Variants in PTPRD observed in about 807,000 individuals in gnomAD.
PTPRD encodes receptor-type tyrosine-protein phosphatase delta.
A neutral mutation model predicts 214.5 loss-of-function variants in PTPRD; 34 were observed. That is an observed-to-expected ratio of 0.16 (90% CI 0.12 to 0.21). The LOEUF (loss-of-function observed/expected upper bound fraction) is 0.21. Ranked by LOEUF, PTPRD falls within the 10% of genes least tolerant of loss-of-function variation. The pLI, the probability that PTPRD is intolerant of heterozygous loss-of-function variation, is 1.00. For synonymous variants in PTPRD, 1,128 were observed against 845.7 expected (o/e 1.33, Z -5.79); for missense variants, 2,545 against 2,398.7 (o/e 1.06, Z -1.27).
At chr9:10,445,154 C>A (rs1480124428) in intron 2 of PTPRD, among the ~76,000 whole-genome samples, 3 of 151,916 alleles carry the variant, frequency 2.0e-5, no homozygotes, top group Non-Finnish European at 4.4e-5. Flanking sequence ...CATAAAGGTA[C>A]AAGAAACCAA....
At chr9:9,774,672 T>C (rs1020697133) in intron 5 of PTPRD, among the ~76,000 whole-genome samples, 9 of 152,230 alleles carry the variant, frequency 5.9e-5, no homozygotes, top group African/African-American at 2.2e-4. Context: ...GGATCCATTA[T>C]ACTTTTAAAT....
In PTPRD at chr9:10,537,695, AG is replaced by A. The variant is rs2058154460; in HGVS notation, c.-600+74702del. On this transcript the variant is annotated intron_variant, in intron 2 of 45. Transcript: ENST00000381196. Reference sequence around the variant, plus strand: ...TCCTTCAGTGAACACTCCTTCAGTGAGTTTCTGATTATATCCATATTTATAT... The same window carrying A: ...TCCTTCAGTGAACACTCCTTCAGTGATTTCTGATTATATCCATATTTATAT... Among the ~76,000 whole-genome samples, 7 of 152,132 alleles carry A rather than the reference AG, an allele frequency of 4.6e-5. No individual in the cohort carries two copies. The South Asian group carries it at 1.5e-3, about 32-fold the overall frequency.
At chr9:10,208,021 A>G (rs1318389053) in intron 3 of PTPRD, among the ~76,000 whole-genome samples, 1 of 152,206 alleles carries the variant, frequency 6.6e-6, no homozygotes, top group African/African-American at 2.4e-5. Flanking sequence ...CATACACAAC[A>G]TAAATAGAGC....
At chr9:8,412,314 T>C (rs540797517) in intron 35 of PTPRD, among the ~76,000 whole-genome samples, 44 of 152,172 alleles carry the variant, frequency 2.9e-4, no homozygotes, top group Non-Finnish European at 5.4e-4. Context: ...AAGAGAATAT[T>C]ATTGAGTATA....
chr9:9,308,216 C>A (rs974905221), intron 9 of PTPRD, among the ~76,000 whole-genome samples: 3 of 152,106 alleles, frequency 2.0e-5, no homozygotes, highest in African/African-American at 7.2e-5. Context: ...AGATTGTGAT[C>A]AAGTAATATC....
intron 8 of PTPRD, among the ~76,000 whole-genome samples, chr9:9,428,174 C>A (rs563795218): frequency 6.6e-6 from 1 of 151,992 alleles, no homozygotes; most frequent in Non-Finnish European, 1.5e-5. Context: ...ATCCATCTCA[C>A]GTGCAGAGAC....
Position 8,316,534 on chromosome 9 carries a change from A to T in PTPRD, c.*1340T>A, listed in dbSNP as rs974830452. 1.7e-5 allele frequency: 4 copies of T among 230,544 alleles called. No homozygotes were observed. The highest frequency in any genetic ancestry group is 3.4e-5 in the Non-Finnish European group (4 of 116,134). 14.3% of individuals were successfully genotyped at this position (230,544 alleles called of 1,614,324 possible). On this transcript the variant is annotated 3_prime_UTR_variant, in exon 46 of 46. Coordinates refer to ENST00000381196, the MANE Select transcript of PTPRD (RefSeq NM_002839.4). ...CGATTGAATACACTTTTTTTAAACA[A>T]CTCGATAGCTGATATATTACAACAT...
At chr9:9,721,013 C>CA (rs780308112) in intron 7 of PTPRD, among the ~76,000 whole-genome samples, 136 of 149,368 alleles carry the variant, frequency 9.1e-4, no homozygotes, top group Non-Finnish European at 1.3e-3. Flanking sequence ...AAGAAGGGTA[C>CA]AAAAAAAAAT....
At chr9:10,422,297 C>T (rs1255714438) in intron 2 of PTPRD, among the ~76,000 whole-genome samples, 5 of 152,008 alleles carry the variant, frequency 3.3e-5, no homozygotes, top group Non-Finnish European at 5.9e-5. Context: ...GTAACTTATA[C>T]AAAAATTAAT....
intron 12 of PTPRD, among the ~76,000 whole-genome samples, chr9:8,639,806 T>C (rs73425442): frequency 0.011 from 1,675 of 152,226 alleles, 38 homozygotes; most frequent in African/African-American, 0.038. Context: ...AACATAGAAA[T>C]CTTATTTCTA....
At chr9:10,124,192 G>A (rs542668732) in intron 3 of PTPRD, among the ~76,000 whole-genome samples, 2 of 152,220 alleles carry the variant, frequency 1.3e-5, no homozygotes, top group African/African-American at 2.4e-5. Flanking sequence ...TTGTTATACT[G>A]TAAATAGCAT....
At chr9:8,719,723 T>C (rs1056314488) in intron 12 of PTPRD, among the ~76,000 whole-genome samples, 5 of 152,222 alleles carry the variant, frequency 3.3e-5, no homozygotes, top group Non-Finnish European at 7.3e-5. Context: ...ATATTTACCA[T>C]ATAGCTCTTT....
intron 9 of PTPRD, among the ~76,000 whole-genome samples, chr9:9,206,434 T>C (rs1407920820): frequency 2.0e-5 from 3 of 151,910 alleles, no homozygotes; most frequent in Admixed American, 2.0e-4. Flanking sequence ...GTTAGGAGGG[T>C]TGTGATGGTT....
chr9:10,566,606 A>G (rs932896391), intron 2 of PTPRD, among the ~76,000 whole-genome samples: 22 of 151,982 alleles, frequency 1.4e-4, no homozygotes, highest in African/African-American at 5.1e-4. Flanking sequence ...TGTTACACAT[A>G]TTGGAAATAT....
intron 14 of PTPRD, among the ~76,000 whole-genome samples, chr9:8,582,051 T>G (rs1046936612): frequency 4.6e-5 from 7 of 151,958 alleles, no homozygotes; most frequent in African/African-American, 1.4e-4. Flanking sequence ...ACTGATAACT[T>G]TCTAGAAAAT....
At chr9:10,559,641 A>T (rs1188583985) in intron 2 of PTPRD, among the ~76,000 whole-genome samples, 1 of 152,112 alleles carries the variant, frequency 6.6e-6, no homozygotes, top group Non-Finnish European at 1.5e-5. Context: ...ATGGGAGAAA[A>T]TTTTCACAAC....
At chr9:9,668,457 A>G (rs1184240129) in intron 7 of PTPRD, among the ~76,000 whole-genome samples, 1 of 152,136 alleles carries the variant, frequency 6.6e-6, no homozygotes, top group African/African-American at 2.4e-5. Flanking sequence ...TTAATCCTTA[A>G]ATGCCTTAAT....
chr9:10,554,372 G>A (rs948121253), intron 2 of PTPRD, among the ~76,000 whole-genome samples: 3 of 152,102 alleles, frequency 2.0e-5, no homozygotes, highest in African/African-American at 7.2e-5. Flanking sequence ...ATTTCCAGGT[G>A]CAATCTTCTT....
At chr9:9,884,357 T>A (rs1410556566) in intron 5 of PTPRD, among the ~76,000 whole-genome samples, 1 of 152,162 alleles carries the variant, frequency 6.6e-6, no homozygotes, top group Non-Finnish European at 1.5e-5. Context: ...CAACAACATC[T>A]ATTCTTTCAC....
Sources: gnomAD v4.1 joint callset for allele counts (sites outside exome capture counted in the v4.1 genomes callset) on GRCh38, gnomAD v4.1.1 for gene constraint, MANE v1.5 for transcripts, NCBI Gene and HGNC (gene_info 2026-07-23, HGNC 2026-07-21) for gene names.